The following PPP2R5E variants were observed in gnomAD, a reference collection of about 807,000 sequenced individuals.
The protein encoded by PPP2R5E is serine/threonine-protein phosphatase 2A 56 kDa regulatory subunit epsilon isoform.
Under a neutral mutation model 65.3 loss-of-function variants are expected in PPP2R5E, and 4 were observed. The observed-to-expected ratio is 0.06, with a 90% CI of 0.03 to 0.14. The LOEUF (loss-of-function observed/expected upper bound fraction) is 0.14. Among genes scored for constraint, PPP2R5E ranks in the 10% least tolerant of loss-of-function variants. The probability of loss-of-function intolerance (pLI) is 1.00; values close to 1 mark genes in which losing one functional copy is unlikely to be tolerated. For synonymous variants in PPP2R5E, 183 were observed against 187.4 expected (o/e 0.98, Z 0.19); for missense variants, 274 against 556.1 (o/e 0.49, Z 5.10).
At chr14:63,508,056 A>G (rs997762406) in intron 2 of PPP2R5E, 6 of 788,002 alleles carry the variant, frequency 7.6e-6, no homozygotes, top group Non-Finnish European at 9.2e-6. Context: ...ATCCAATGTA[A>G]TAGCCTGATC....
chr14:63,458,548 T>C (rs1327360136), intron 2 of PPP2R5E, among the ~76,000 whole-genome samples: 1 of 152,174 alleles, frequency 6.6e-6, no homozygotes, highest in Non-Finnish European at 1.5e-5. Flanking sequence ...GCCAGCCAAG[T>C]AAATAAAGGA....
chr14:63,455,173 C>A (rs776219309), intron 2 of PPP2R5E, among the ~76,000 whole-genome samples: 7 of 152,182 alleles, frequency 4.6e-5, no homozygotes, highest in Non-Finnish European at 4.4e-5. Flanking sequence ...CAGCCACCAG[C>A]AGCAGGAAGT....
chr14:63,394,460 C>A (rs764802866), intron 7 of PPP2R5E, among the ~76,000 whole-genome samples: 6 of 152,274 alleles, frequency 3.9e-5, no homozygotes, highest in Non-Finnish European at 8.8e-5. Context: ...TTCTGGTCAC[C>A]CAACAAAGGC....
At chr14:63,485,075 C>T (rs1890910833) in intron 2 of PPP2R5E, among the ~76,000 whole-genome samples, 2 of 151,860 alleles carry the variant, frequency 1.3e-5, no homozygotes, top group South Asian at 4.1e-4. Context: ...CTTTCAACAG[C>T]TTTTTTACTT....
chr14:63,395,629 A>G (rs372511091), intron 6 of PPP2R5E, among the ~76,000 whole-genome samples: 1 of 2,442 alleles, frequency 4.1e-4, no homozygotes, highest in East Asian at 0.019. Context: ...GAGATGGGGG[A>G]AGAGAGGAGA....
intron 3 of PPP2R5E, chr14:63,451,616 G>A (rs1176864215): frequency 6.6e-6 from 1 of 152,222 alleles, no homozygotes; most frequent in African/African-American, 2.4e-5. Flanking sequence ...TGTATGGTAT[G>A]TATGGTACTA....
intron 3 of PPP2R5E, among the ~76,000 whole-genome samples, chr14:63,434,337 C>T (rs572173422): frequency 6.6e-6 from 1 of 152,138 alleles, no homozygotes; most frequent in Non-Finnish European, 1.5e-5. Flanking sequence ...AGAATTAGCA[C>T]CAACTACATT....
chr14:63,391,717 C>G, intron 10 of PPP2R5E, 100 bp downstream of exon 10: 1 of 1,337,446 alleles, frequency 7.5e-7, no homozygotes, highest in South Asian at 1.3e-5. Context: ...GCCACTGCGC[C>G]CAGCCCTGAT....
At chr14:63,400,918 G>A (rs758110921) in intron 5 of PPP2R5E, among the ~76,000 whole-genome samples, 7 of 152,148 alleles carry the variant, frequency 4.6e-5, no homozygotes, top group Non-Finnish European at 8.8e-5. Flanking sequence ...CAACATAAGA[G>A]AAGGTTTGAG....
chr14:63,453,243 A>G, intron 3 of PPP2R5E: 1 of 152,938 alleles, frequency 6.5e-6, no homozygotes. Flanking sequence ...TATAAAGCCC[A>G]AGAGAGGCCT....
intron 2 of PPP2R5E, among the ~76,000 whole-genome samples, chr14:63,518,775 A>C (rs1892762930): frequency 6.6e-6 from 1 of 152,220 alleles, no homozygotes; most frequent in Non-Finnish European, 1.5e-5. Context: ...ATCTTCCATC[A>C]TAATGTTATT....
At chr14:63,529,154 G>C (rs952578476) in intron 2 of PPP2R5E, among the ~76,000 whole-genome samples, 7 of 152,092 alleles carry the variant, frequency 4.6e-5, no homozygotes, top group African/African-American at 1.7e-4. Context: ...AGGAACAGGG[G>C]TCTCACTATG....
intron 3 of PPP2R5E, chr14:63,453,398 GTCTTT>G (rs1888954427): frequency 4.7e-6 from 1 of 212,304 alleles, no homozygotes; most frequent in African/African-American, 2.3e-5. Flanking sequence ...ATTTTCCTGT[GTCTTT>G]TCTTTTGCCA....
chr14:63,480,059 A>G (rs575014221), intron 2 of PPP2R5E, among the ~76,000 whole-genome samples: 1 of 152,324 alleles, frequency 6.6e-6, no homozygotes, highest in South Asian at 2.1e-4. Flanking sequence ...AAACCTTCAC[A>G]TACTCATCAC....
intron 11 of PPP2R5E, among the ~76,000 whole-genome samples, chr14:63,388,036 G>T (rs1376711752): frequency 6.6e-6 from 1 of 152,092 alleles, no homozygotes; most frequent in Non-Finnish European, 1.5e-5. Flanking sequence ...GTCTTGTTAT[G>T]GCAGCCCAAG....
chr14:63,442,358 T>C (rs1240714283), intron 3 of PPP2R5E, among the ~76,000 whole-genome samples: 1 of 152,330 alleles, frequency 6.6e-6, no homozygotes, highest in South Asian at 2.1e-4. Context: ...ATAATTCTAA[T>C]ATTATAAACA....
At chr14:63,453,640 C>A in intron 3 of PPP2R5E, 49 bp downstream of exon 3, 1 of 1,561,874 alleles carries the variant, frequency 6.4e-7, no homozygotes, top group South Asian at 1.1e-5. Context: ...ACCTGTGAGT[C>A]ACTATGGAAG....
chr14:63,508,318 G>A, intron 2 of PPP2R5E: 1 of 631,336 alleles, frequency 1.6e-6, no homozygotes, highest in Non-Finnish European at 2.0e-6. Flanking sequence ...TCTTTGTTCT[G>A]TCACTCTCAC....
At chr14:63,539,037 T>C (rs1336732026) in intron 2 of PPP2R5E, among the ~76,000 whole-genome samples, 1 of 152,190 alleles carries the variant, frequency 6.6e-6, no homozygotes, top group Non-Finnish European at 1.5e-5. Flanking sequence ...ACTTGTACTA[T>C]GTGAAAACAA....
Sources: allele counts gnomAD v4.1 joint callset (sites outside exome capture counted in the v4.1 genomes callset), GRCh38; gene constraint gnomAD v4.1.1; transcripts MANE v1.5; gene names NCBI Gene and HGNC (gene_info 2026-07-23, HGNC 2026-07-21).